Variants in ZNF644 observed in about 807,000 individuals in gnomAD.
The protein encoded by ZNF644 is zinc finger motif enhancer binding protein 2.
A neutral mutation model predicts 108.0 loss-of-function variants in ZNF644; 20 were observed. That is an observed-to-expected ratio of 0.19 (90% CI 0.13 to 0.27). The LOEUF is 0.27. Ranked by LOEUF, ZNF644 falls within the 10% of genes least tolerant of loss-of-function variation. ZNF644 has a pLI of 1.00. For synonymous variants in ZNF644, 542 were observed against 539.1 expected, an observed-to-expected ratio of 1.01 and a Z score of -0.08; for missense variants, 1,338 against 1,548.9, an observed-to-expected ratio of 0.86 and a Z score of 2.29.
chr1:90,965,568 A>T (rs1373747415), intron 2 of ZNF644, among the ~76,000 whole-genome samples: 1 of 152,116 alleles, frequency 6.6e-6, no homozygotes, highest in African/African-American at 2.4e-5. Context: ...CTTTTCTGAA[A>T]TTTTTGTATA....
intron 2 of ZNF644, among the ~76,000 whole-genome samples, chr1:90,981,093 T>C (rs775914336): frequency 1.6e-4 from 25 of 152,138 alleles, no homozygotes; most frequent in Non-Finnish European, 2.8e-4. Flanking sequence ...TAACAGACAC[T>C]GTATATTCAA....
chr1:90,915,856 A>G lies in ZNF644; in HGVS notation c.*942T>C, dbSNP rs886753971. 3 of 152,756 alleles carry G rather than the reference A, an allele frequency of 2.0e-5. No individual in the cohort carries two copies. Among genetic ancestry groups the G allele is most frequent in the African/African-American group, 4.8e-5 (2 of 41,590 alleles). The allele number at this position is 152,756 out of a possible 1,614,324, so 9.5% of individuals were successfully genotyped here. A position where few individuals can be genotyped will look rare whatever the true frequency, so the allele number is the denominator to read the frequency against. On this transcript the variant is annotated 3_prime_UTR_variant, in exon 6 of 6. Coordinates refer to ENST00000337393, the MANE Select transcript of ZNF644 (RefSeq NM_201269.3). ...TAATATAAATGAGAACGTCTATTCT[A>G]AACTGTGTAGTGAGCATTGTTTATT... is the stretch of plus-strand genomic sequence containing the variant.
chr1:90,947,986 G>C (rs1041413976), intron 2 of ZNF644, among the ~76,000 whole-genome samples: 8 of 152,268 alleles, frequency 5.3e-5, no homozygotes, highest in African/African-American at 1.7e-4. Flanking sequence ...GTCAGGGACT[G>C]TATGTAATTA....
chr1:90,989,321 G>C (rs1241256760), intron 1 of ZNF644, among the ~76,000 whole-genome samples: 1 of 152,160 alleles, frequency 6.6e-6, no homozygotes, highest in African/African-American at 2.4e-5. Flanking sequence ...GGCTGAGGTG[G>C]GAGGATCGCT....
intron 2 of ZNF644, among the ~76,000 whole-genome samples, chr1:90,980,286 AGCAAAGAGGTCTCTG>A (rs1221529516): frequency 6.6e-6 from 1 of 152,208 alleles, no homozygotes; most frequent in African/African-American, 2.4e-5. Flanking sequence ...GCTGACAACT[AGCAAAGAGGTCTCTG>A]GCAACTGGGG....
At chr1:90,935,526 C>T in intron 4 of ZNF644, 1 of 985,844 alleles carries the variant, frequency 1.0e-6, no homozygotes, top group Non-Finnish European at 1.2e-6. Flanking sequence ...GCTTCACAGG[C>T]ATACCTATCA....
At chr1:90,976,436 A>T (rs1656016051) in intron 2 of ZNF644, among the ~76,000 whole-genome samples, 1 of 152,202 alleles carries the variant, frequency 6.6e-6, no homozygotes, top group African/African-American at 2.4e-5. Context: ...GCCTTGTTTT[A>T]TTTAGCACTT....
At chr1:90,974,774 A>G (rs2101365297) in intron 2 of ZNF644, among the ~76,000 whole-genome samples, 1 of 152,310 alleles carries the variant, frequency 6.6e-6, no homozygotes, top group East Asian at 1.9e-4. Flanking sequence ...CATTTTAATT[A>G]GGTTCATTTG....
intron 2 of ZNF644, among the ~76,000 whole-genome samples, chr1:90,950,951 AAAAG>A (rs2101044571): frequency 6.6e-6 from 1 of 152,302 alleles, no homozygotes; most frequent in South Asian, 2.1e-4. Context: ...CTCACTGTAC[AAAAG>A]AAAGGTTCCC....
At chr1:90,951,123 C>T (rs1461529883) in intron 2 of ZNF644, among the ~76,000 whole-genome samples, 1 of 152,226 alleles carries the variant, frequency 6.6e-6, no homozygotes, top group African/African-American at 2.4e-5. Context: ...CCAATCACTT[C>T]TCATCACTGC....
chr1:90,959,314 G>A (rs1398097505), intron 2 of ZNF644, among the ~76,000 whole-genome samples: 1 of 152,140 alleles, frequency 6.6e-6, no homozygotes, highest in Non-Finnish European at 1.5e-5. Context: ...CTGCTGGTGG[G>A]ATAATAAGTA....
rs1217728537 is a variant in ZNF644, at chr1:90,940,902, G to C, written c.452C>G (p.Ser151Cys). The C allele has an allele frequency of 1.2e-6, 2 of 1,613,958 alleles. No homozygotes were observed. Among genetic ancestry groups the C allele is most frequent in the Non-Finnish European group, 1.7e-6 (2 of 1,179,980 alleles). Residue 151 changes from serine to cysteine, a missense_variant, in exon 3 of 6, where the codon TCT becomes TGT. Physicochemically the swap from Ser to Cys is moderately radical, Grantham distance 112 (BLOSUM62 -1). Transcript: ENST00000337393. Reference protein sequence around the residue: ...GQPVDQPTTESCSTLKVAADL... With the variant: ...GQPVDQPTTECCSTLKVAADL... The stretch of plus-strand genomic sequence containing the variant: ...AGCTGCTACCTTCAAAGTTGAACAA[G>C]ATTCTGTTGTTGGCTGATCCACAGG...
intron 1 of ZNF644, among the ~76,000 whole-genome samples, chr1:91,005,277 A>C (rs965199876): frequency 3.3e-5 from 5 of 152,214 alleles, no homozygotes; most frequent in Admixed American, 6.5e-5. Context: ...CATCAAAATT[A>C]CATGCCACTT....
chr1:90,976,799 C>A (rs1656056432), intron 2 of ZNF644, among the ~76,000 whole-genome samples: 1 of 151,962 alleles, frequency 6.6e-6, no homozygotes, highest in Non-Finnish European at 1.5e-5. Flanking sequence ...GGGATTGGTT[C>A]CAGGACAACC....
At chr1:90,936,413 A>G (rs1651327149) in intron 4 of ZNF644, among the ~76,000 whole-genome samples, 1 of 152,196 alleles carries the variant, frequency 6.6e-6, no homozygotes, top group African/African-American at 2.4e-5. Context: ...TTTATTCGAA[A>G]GAAAAAGCCG....
chr1:90,961,883 A>AT (rs144583803), intron 2 of ZNF644, among the ~76,000 whole-genome samples: 1,924 of 152,174 alleles, frequency 0.013, 39 homozygotes, highest in African/African-American at 0.044. Context: ...CTAGGTAAAA[A>AT]CTTATGATGC....
chr1:90,979,661 A>C (rs1656360627), intron 2 of ZNF644, among the ~76,000 whole-genome samples: 1 of 152,172 alleles, frequency 6.6e-6, no homozygotes, highest in Non-Finnish European at 1.5e-5. Context: ...CCTTCAGAGA[A>C]ATAAGGAAAA....
At chr1:90,951,091 A>G (rs1170172731) in intron 2 of ZNF644, among the ~76,000 whole-genome samples, 1 of 152,162 alleles carries the variant, frequency 6.6e-6, no homozygotes, top group African/African-American at 2.4e-5. Flanking sequence ...TACTGCTATT[A>G]TCTTCAAAAT....
intron 2 of ZNF644, among the ~76,000 whole-genome samples, chr1:90,943,134 A>G (rs975921093): frequency 1.3e-5 from 2 of 152,144 alleles, no homozygotes; most frequent in African/African-American, 4.8e-5. Context: ...ATTAAATCTA[A>G]TTCAAGAATA....
Sources: allele counts gnomAD v4.1 joint callset (sites outside exome capture counted in the v4.1 genomes callset), GRCh38; gene constraint gnomAD v4.1.1; transcripts MANE v1.5; gene names NCBI Gene and HGNC (gene_info 2026-07-23, HGNC 2026-07-21).